Variants in GPAM observed in about 807,000 individuals in gnomAD.
The protein encoded by GPAM is glycerol-3-phosphate acyltransferase, mitochondrial.
GPAM carries 56 observed loss-of-function variants against 105.0 expected under a neutral mutation model. The ratio of observed to expected loss-of-function variants is 0.53; its 90% CI spans 0.43 to 0.67. GPAM has a LOEUF of 0.67. Among genes scored for constraint, GPAM ranks in the 30% least tolerant of loss-of-function variants. The pLI, the probability that GPAM is intolerant of heterozygous loss-of-function variation, is 0.00. For missense variants in GPAM, 855 were observed against 989.8 expected (o/e 0.86, Z 1.83); for synonymous variants, 368 against 354.4 (o/e 1.04, Z -0.43).
the GPAM span, among the ~76,000 whole-genome samples, chr10:112,222,063 A>AG: frequency 4.6e-5 from 7 of 152,204 alleles, no homozygotes. Context: ...TACAAGAGAG[A>AG]GGATGTGGGT....
At chr10:112,190,010 C>T (rs1292085034) in intron 1 of GPAM, among the ~76,000 whole-genome samples, 2 of 152,106 alleles carry the variant, frequency 1.3e-5, no homozygotes, top group Non-Finnish European at 2.9e-5. Context: ...TACTGCCTAC[C>T]TATACTCTGT....
chr10:112,161,448 C>G (rs1471731336), intron 15 of GPAM, among the ~76,000 whole-genome samples: 1 of 152,176 alleles, frequency 6.6e-6, no homozygotes, highest in Non-Finnish European at 1.5e-5. Flanking sequence ...TAGCTTAGTA[C>G]TATATATATT....
At chr10:112,168,609 A>G in intron 10 of GPAM, 85 bp from the exon 11 acceptor site, 3 of 931,530 alleles carry the variant, frequency 3.2e-6, no homozygotes, top group Non-Finnish European at 5.2e-6. Flanking sequence ...TTAAAAGCAA[A>G]ACAGAAAAAA....
chr10:112,170,480 T>C (rs1044383151), intron 9 of GPAM, among the ~76,000 whole-genome samples: 2 of 152,234 alleles, frequency 1.3e-5, no homozygotes, highest in African/African-American at 4.8e-5. Context: ...TATCAGTGTT[T>C]ATTAAGCAGT....
Position 112,151,998 on chromosome 10 carries a change from G to T in GPAM, c.*1552C>A. 1.0e-6 allele frequency: 1 copy of T among 980,024 alleles called. No homozygotes were observed. The highest frequency in any genetic ancestry group is 1.2e-6 in the Non-Finnish European group (1 of 825,118). The allele number at this position is 980,024 out of a possible 1,614,324, so 60.7% of individuals were successfully genotyped here. On this transcript the variant is annotated 3_prime_UTR_variant, in exon 22 of 22. Transcript: ENST00000348367. ...GGGATCACAACAGCATAGCATTATT[G>T]CTATGAGTTTCAAACATGGTATTTC...
chr10:112,212,538 C>A (rs1344489908), intron 1 of GPAM, among the ~76,000 whole-genome samples: 1 of 152,194 alleles, frequency 6.6e-6, no homozygotes, highest in Non-Finnish European at 1.5e-5. Flanking sequence ...GCGGGGATTA[C>A]AGGCATGAGC....
rs1412503731 is a variant in GPAM at position 112,181,732 on chromosome 10, T to C, written c.53A>G (p.His18Arg). 3 of 1,611,290 alleles carry C rather than the reference T, an allele frequency of 1.9e-6. No individual in the cohort carries two copies. The highest frequency in any genetic ancestry group is 2.5e-6 in the Non-Finnish European group (3 of 1,177,614). Residue 18 changes from histidine (H) to arginine (R), a missense_variant, in exon 3 of 22, where the codon CAT (histidine) becomes CGT (arginine). By Grantham distance (29) the His-to-Arg change is conservative (BLOSUM62 0). Coordinates refer to ENST00000348367, the MANE Select transcript of GPAM (RefSeq NM_001244949.2). ...TCGACCAACACTGTATTCTGATGAA[T>C]GTGGCAGATAAGAAACATCTATTGT... The part of the protein sequence containing the change: ...LGTIDVSYLP[H>R]SSEYSVGRCK...
chr10:112,156,193 G>A (rs1437244068), intron 19 of GPAM, 140 bp from the exon 20 acceptor site: 2 of 687,706 alleles, frequency 2.9e-6, no homozygotes, highest in African/African-American at 1.8e-5. Context: ...GCGGCCCCCT[G>A]CCCCTCATGC....
chr10:112,192,195 C>G (rs867513612), intron 1 of GPAM, among the ~76,000 whole-genome samples: 1 of 152,124 alleles, frequency 6.6e-6, no homozygotes, highest in South Asian at 2.1e-4. Flanking sequence ...AGTATTCATT[C>G]GTTTATCCAT....
chr10:112,174,442 T>C (rs1399450119), intron 6 of GPAM, among the ~76,000 whole-genome samples: 1 of 152,208 alleles, frequency 6.6e-6, no homozygotes, highest in Non-Finnish European at 1.5e-5. Flanking sequence ...AAACATTTAA[T>C]CCAGTTTTAT....
At chr10:112,222,848 C>T in the GPAM span, among the ~76,000 whole-genome samples, 4 of 152,124 alleles carry the variant, frequency 2.6e-5, no homozygotes, top group Admixed American at 6.5e-5. Context: ...TTACCCATGG[C>T]GTGGGTAAAT....
chr10:112,208,599 T>C (rs924186086), intron 1 of GPAM, among the ~76,000 whole-genome samples: 4 of 152,166 alleles, frequency 2.6e-5, no homozygotes, highest in African/African-American at 9.7e-5. Context: ...CTAAGAAGGA[T>C]ATCCCAAGGG....
rs2066222 is a variant in GPAM, at chr10:112,175,814, A to C, written c.300-101T>G. On this transcript the variant is annotated intron_variant, in intron 5 of 21. Transcript: ENST00000348367. ...GCCCATAAAAACAAAGCCTAATGTC[A>C]TCTCTTTCTGAGATTTAGGGTTCTC... 1,846 of 736,052 alleles carry C rather than the reference A, an allele frequency of 2.5e-3. 25 individuals are homozygous for C. The African/African-American group carries it at 0.028, about 11-fold the overall frequency. The allele number at this position is 736,052 out of a possible 1,614,324, so 45.6% of individuals were successfully genotyped here.
At chr10:112,166,182 C>T (rs2803613) in intron 12 of GPAM, among the ~76,000 whole-genome samples, 148,963 of 152,306 alleles carry the variant, frequency 0.98, 72,858 homozygotes, top group East Asian at 1. Flanking sequence ...CAATAAATGT[C>T]GAGCCTGATA....
At chr10:112,158,439 TC>T in intron 17 of GPAM, 46 bp from the exon 18 acceptor site, 1 of 1,201,566 alleles carries the variant, frequency 8.3e-7, no homozygotes, top group Non-Finnish European at 1.2e-6. Flanking sequence ...ATTTTATACT[TC>T]TTTTTTTAAA....
At chr10:112,212,315 T>C (rs1173199827) in intron 1 of GPAM, among the ~76,000 whole-genome samples, 1 of 152,076 alleles carries the variant, frequency 6.6e-6, no homozygotes, top group Non-Finnish European at 1.5e-5. Context: ...CAGGCTGGAG[T>C]GCAGTGGTGC....
chr10:112,159,445 G>A (rs918290175), intron 17 of GPAM, among the ~76,000 whole-genome samples: 2 of 151,814 alleles, frequency 1.3e-5, no homozygotes, highest in African/African-American at 2.4e-5. Context: ...GGATGGTCTC[G>A]ATCTCCTGAC....
intron 1 of GPAM, among the ~76,000 whole-genome samples, chr10:112,190,072 T>A (rs1348693579): frequency 1.3e-5 from 2 of 152,156 alleles, no homozygotes; most frequent in Admixed American, 6.5e-5. Context: ...TTTCATTGGA[T>A]AAAATAAAAT....
intron 1 of GPAM, among the ~76,000 whole-genome samples, chr10:112,203,038 C>T (rs755421971): frequency 5.9e-5 from 9 of 152,056 alleles, no homozygotes; most frequent in Non-Finnish European, 1.3e-4. Context: ...TGGTGCTTGA[C>T]GGTGTGTAAG....
Sources: gnomAD v4.1 joint callset for allele counts (sites outside exome capture counted in the v4.1 genomes callset) on GRCh38, gnomAD v4.1.1 for gene constraint, MANE v1.5 for transcripts, NCBI Gene and HGNC (gene_info 2026-07-23, HGNC 2026-07-21) for gene names.